AGK: variants seen among roughly 807,000 people sequenced by gnomAD.
AGK encodes the protein acylglycerol kinase, mitochondrial.
Under a neutral mutation model 66.4 loss-of-function variants are expected in AGK, and 52 were observed. The ratio of observed to expected loss-of-function variants is 0.78; its 90% CI spans 0.63 to 0.99. AGK has a LOEUF of 0.99. Ranked by LOEUF, AGK falls within the 50% of genes least tolerant of loss-of-function variation. The pLI, the probability that AGK is intolerant of heterozygous loss-of-function variation, is 0.00. For synonymous variants in AGK, 182 were observed against 181.1 expected (o/e 1.00, Z -0.04); for missense variants, 451 against 506.6 (o/e 0.89, Z 1.05).
At position 141,602,173 on chromosome 7, in the gene AGK, T is replaced by TTGTGTGTGTG. The variant is rs71172608; in HGVS notation, c.297+923_297+932dup. Among the ~76,000 whole-genome samples, 880 of 125,352 alleles carry TTGTGTGTGTG rather than the reference T, an allele frequency of 7.0e-3. 11 individuals carry two copies. Among genetic ancestry groups the TTGTGTGTGTG allele is most frequent in the African/African-American group, 0.017 (612 of 35,284 alleles). 82.2% of individuals were successfully genotyped at this position (125,352 alleles called of 152,430 possible). ...GAGCTTTCCTTGAGGGGAGATTTTC[T>TTGTGTGTGTG]TGTGTGTGTGTGTGTGTGTGTGTGT... is the stretch of plus-strand genomic sequence containing the variant. On this transcript the variant is annotated intron_variant, in intron 5 of 15. Coordinates refer to ENST00000649286, the MANE Select transcript of AGK (RefSeq NM_018238.4).
chr7:141,646,573 G>C (rs987415831), intron 13 of AGK, among the ~76,000 whole-genome samples: 2 of 152,172 alleles, frequency 1.3e-5, no homozygotes, highest in African/African-American at 4.8e-5. Flanking sequence ...CTTTAGAACA[G>C]GGGTCAGCAA....
intron 2 of AGK, among the ~76,000 whole-genome samples, chr7:141,564,625 T>C (rs547258244): frequency 6.6e-6 from 1 of 152,354 alleles, no homozygotes; most frequent in South Asian, 2.1e-4. Context: ...ACCACTCAGC[T>C]TTAGACACAG....
At chr7:141,615,286 T>C (rs1377010909) in intron 7 of AGK, among the ~76,000 whole-genome samples, 185 bp from the exon 8 acceptor site, 2 of 152,236 alleles carry the variant, frequency 1.3e-5, no homozygotes, top group African/African-American at 2.4e-5. Context: ...TTTGTTTTCA[T>C]TGACTGCCTT....
chr7:141,644,377 G>T (rs554489495), intron 13 of AGK, among the ~76,000 whole-genome samples: 1 of 152,142 alleles, frequency 6.6e-6, no homozygotes, highest in Non-Finnish European at 1.5e-5. Context: ...ATCACTAGTA[G>T]CAGCAAATTC....
intron 4 of AGK, among the ~76,000 whole-genome samples, chr7:141,600,955 G>A (rs889050667): frequency 1.3e-5 from 2 of 152,070 alleles, no homozygotes; most frequent in East Asian, 1.9e-4. Flanking sequence ...TGAACTATAA[G>A]CCTCCCAAAT....
intron 2 of AGK, among the ~76,000 whole-genome samples, chr7:141,589,779 C>G (rs574678157): frequency 1.3e-5 from 2 of 152,094 alleles, no homozygotes; most frequent in African/African-American, 4.8e-5. Context: ...AAGCTGGTCT[C>G]GAACTCCCGA....
At chr7:141,582,092 G>A (rs1275411715) in intron 2 of AGK, among the ~76,000 whole-genome samples, 1 of 152,020 alleles carries the variant, frequency 6.6e-6, no homozygotes, top group South Asian at 2.1e-4. Context: ...GTCTTCAGCC[G>A]CTAAGTCAAG....
At position 141,622,689 on chromosome 7, in the gene AGK, C is replaced by T. The variant is rs1796852322; in HGVS notation, c.588+888C>T. Among the ~76,000 whole-genome samples, 4 of 152,136 alleles carry T rather than the reference C, an allele frequency of 2.6e-5. 1 individual carries two copies. The South Asian group carries it at 8.3e-4, about 32-fold the overall frequency. ...GTGACACAACAGTATTGAAATTAGACCAATTAATAACCCTACTTGGCCTCT... is the reference window on the plus strand; with the variant it reads ...GTGACACAACAGTATTGAAATTAGATCAATTAATAACCCTACTTGGCCTCT... On this transcript the variant is annotated intron_variant, in intron 9 of 15. Transcript: ENST00000649286.
In AGK at chr7:141,615,558, A is replaced by G. The variant is rs771035261; in HGVS notation, c.511A>G (p.Lys171Glu). 7.8e-5 allele frequency: 125 copies of G among 1,612,868 alleles called. 1 individual carries two copies. In the East Asian group the frequency reaches 2.7e-3, roughly 35 times the overall value. The change falls in exon 8 of 16, where the codon AAA (lysine) becomes GAA (glutamate). Residue 171 changes from lysine (K) to glutamate (E), a missense_variant. Physicochemically the swap from Lys to Glu is moderately conservative, Grantham distance 56. Coordinates refer to ENST00000649286, the MANE Select transcript of AGK (RefSeq NM_018238.4). Reference sequence around the variant, plus strand: ...TACCCTCTTTGCCGAAAGTGGAAACAAAGTCCAGTAGGTTGTCAATGTGGG... The same window carrying G: ...TACCCTCTTTGCCGAAAGTGGAAACGAAGTCCAGTAGGTTGTCAATGTGGG... Reference protein sequence around the residue: ...SHTLFAESGNKVQHITDATLA... With the variant: ...SHTLFAESGNEVQHITDATLA...
At chr7:141,566,177 C>T (rs1297571610) in intron 2 of AGK, among the ~76,000 whole-genome samples, 1 of 152,234 alleles carries the variant, frequency 6.6e-6, no homozygotes, top group Non-Finnish European at 1.5e-5. Context: ...TTTCTTTAAG[C>T]AAGCCTTCTT....
At chr7:141,650,252 GTATC>G (rs768366819) in intron 14 of AGK, among the ~76,000 whole-genome samples, 20 of 152,346 alleles carry the variant, frequency 1.3e-4, no homozygotes, top group Non-Finnish European at 2.2e-4. Context: ...TTTTCTTGCT[GTATC>G]TATAAGAAGG....
chr7:141,632,885 C>A (rs936898736), intron 9 of AGK, among the ~76,000 whole-genome samples: 7 of 152,240 alleles, frequency 4.6e-5, no homozygotes, highest in African/African-American at 7.2e-5. Context: ...CTAGAAATTT[C>A]TCTGATTCTC....
Position 141,653,232 on chromosome 7 carries a change from T to C in AGK, c.*308T>C. On this transcript the variant is annotated 3_prime_UTR_variant, in exon 16 of 16. Transcript: ENST00000649286. ...GTTTTCTTCCAAAGTGCAACCACAG[T>C]GGAGAGCCCACGGTGGGCTTAGCCT... is the stretch of plus-strand genomic sequence containing the variant. The C allele has an allele frequency of 3.4e-6, 1 of 293,126 alleles. No homozygotes were observed. The highest frequency in any genetic ancestry group is 6.7e-6 in the Non-Finnish European group (1 of 149,306). 18.2% of individuals were successfully genotyped at this position (293,126 alleles called of 1,614,324 possible). A position where few individuals can be genotyped will look rare whatever the true frequency, so the allele number is the denominator to read the frequency against.
At chr7:141,580,601 A>C (rs953636972) in intron 2 of AGK, among the ~76,000 whole-genome samples, 2 of 151,990 alleles carry the variant, frequency 1.3e-5, no homozygotes, top group African/African-American at 4.8e-5. Context: ...AGGTGTGAGG[A>C]AGAAAATAGA....
intron 8 of AGK, among the ~76,000 whole-genome samples, chr7:141,616,544 A>G (rs1796703926): frequency 6.6e-6 from 1 of 152,014 alleles, no homozygotes; most frequent in African/African-American, 2.4e-5. Flanking sequence ...AGTCAACTGT[A>G]TCTCTTTTAA....
intron 1 of AGK, among the ~76,000 whole-genome samples, chr7:141,552,783 G>C (rs1795123677): frequency 1.3e-5 from 2 of 152,166 alleles, no homozygotes; most frequent in South Asian, 4.1e-4. Context: ...TGTAAGTATA[G>C]GATCGAGGAA....
At chr7:141,583,364 GTGCT>G (rs1215782091) in intron 2 of AGK, among the ~76,000 whole-genome samples, 1 of 150,952 alleles carries the variant, frequency 6.6e-6, no homozygotes, top group Non-Finnish European at 1.5e-5. Flanking sequence ...AGGGGTGGGG[GTGCT>G]TGCCCCCCAG....
At position 141,654,591 on chromosome 7, in the gene AGK, A is replaced by C. The variant is rs1398579803; in HGVS notation, c.*1667A>C. On this transcript the variant is annotated 3_prime_UTR_variant, in exon 16 of 16. Coordinates refer to ENST00000649286, the MANE Select transcript of AGK (RefSeq NM_018238.4). Reference sequence around the variant, plus strand: ...ATGGCTTTGCCAGCCAGTCATTAGCACCATTTACTTTTACTATCGCTGACA... The same window carrying C: ...ATGGCTTTGCCAGCCAGTCATTAGCCCCATTTACTTTTACTATCGCTGACA... 6.6e-6 allele frequency: 1 copy of C among 152,188 alleles called. No individual in the cohort carries two copies. Among genetic ancestry groups the C allele is most frequent in the Non-Finnish European group, 1.5e-5 (1 of 68,032 alleles). 9.4% of individuals were successfully genotyped at this position (152,188 alleles called of 1,614,324 possible).
At position 141,624,859 on chromosome 7, in the gene AGK, A is replaced by T. The variant is rs566600155; in HGVS notation, c.588+3058A>T. 2.4e-4 allele frequency among the ~76,000 whole-genome samples: 37 copies of T among 152,372 alleles called. 1 individual carries two copies. In the East Asian group the frequency reaches 6.4e-3, roughly 26 times the overall value. Reference sequence around the variant, plus strand: ...CCAACTTTGAGAGAATTTCTGCTATAGGTCACATGCTATCGAACTGCATAC... The same window carrying T: ...CCAACTTTGAGAGAATTTCTGCTATTGGTCACATGCTATCGAACTGCATAC... On this transcript the variant is annotated intron_variant, in intron 9 of 15. Coordinates refer to ENST00000649286, the MANE Select transcript of AGK (RefSeq NM_018238.4).
Sources: gnomAD v4.1 joint callset for allele counts (sites outside exome capture counted in the v4.1 genomes callset) on GRCh38, gnomAD v4.1.1 for gene constraint, MANE v1.5 for transcripts, NCBI Gene and HGNC (gene_info 2026-07-23, HGNC 2026-07-21) for gene names.